The following PPP1R8 variants were observed in gnomAD, a reference collection of about 807,000 sequenced individuals.
The protein encoded by PPP1R8 is protein phosphatase 1 regulatory subunit 8.
In PPP1R8, 4 loss-of-function variants were observed where a neutral mutation model predicts 31.3. That is an observed-to-expected ratio of 0.13 (90% CI 0.06 to 0.29). The LOEUF (loss-of-function observed/expected upper bound fraction) is 0.29, where lower values mean the gene tolerates loss of function less well. PPP1R8 is among the 10% of genes least tolerant of loss of function. The pLI, the probability that PPP1R8 is intolerant of heterozygous loss-of-function variation, is 1.00. For missense variants in PPP1R8, 254 were observed against 440.1 expected (o/e 0.58, Z 3.78); for synonymous variants, 170 against 169.7 (o/e 1.00, Z -0.01).
chr1:27,846,636 CTTCTT>C (rs780960294), intron 5 of PPP1R8, among the ~76,000 whole-genome samples: 16 of 152,316 alleles, frequency 1.1e-4, no homozygotes, highest in Admixed American at 3.9e-4. Flanking sequence ...AATGTCTACT[CTTCTT>C]TTCTTTCCCC....
At chr1:27,837,144 A>C (rs2089174557) in intron 2 of PPP1R8, among the ~76,000 whole-genome samples, 1 of 151,764 alleles carries the variant, frequency 6.6e-6, no homozygotes, top group Admixed American at 6.6e-5. Flanking sequence ...ACAATTGTTG[A>C]TCTCAGGCCA....
Position 27,850,383 on chromosome 1 carries a change from G to C in PPP1R8, c.993G>C (p.Lys331Asn), listed in dbSNP as rs756682209. 1 of 1,515,918 alleles carries C rather than the reference G, an allele frequency of 6.6e-7. No individual in the cohort carries two copies. The highest frequency in any genetic ancestry group is 1.1e-5 in the South Asian group (1 of 89,922). 93.9% of individuals were successfully genotyped at this position (1,515,918 alleles called of 1,614,324 possible). Residue 331 changes from lysine to asparagine, a missense_variant, in exon 7 of 7, where the codon AAG (lysine) becomes AAC (asparagine). Physicochemically the swap from Lys to Asn is moderately conservative, Grantham distance 94. Transcript: ENST00000311772. ...ACCCTGAAGCTGTAAATGAACCCAA[G>C]AAGAAGAAATATGCAAAAGAGGCTT... ...VYNPEAVNEP[K>N]KKKYAKEAWP... is the part of the protein sequence containing the mutation.
intron 1 of PPP1R8, among the ~76,000 whole-genome samples, chr1:27,832,111 G>C (rs1291291863): frequency 6.6e-6 from 1 of 152,168 alleles, no homozygotes; most frequent in East Asian, 1.9e-4. Flanking sequence ...GTAGGTACCA[G>C]GCACCGTTAG....
chr1:27,849,248 G>T (rs571967748), intron 6 of PPP1R8, among the ~76,000 whole-genome samples: 4 of 151,848 alleles, frequency 2.6e-5, no homozygotes, highest in Admixed American at 6.6e-5. Flanking sequence ...GCGCATGCCT[G>T]TAATCCCAGC....
chr1:27,846,953 G>C, intron 5 of PPP1R8, 75 bp from the exon 6 acceptor site: 5 of 1,225,146 alleles, frequency 4.1e-6, no homozygotes, highest in Non-Finnish European at 6.0e-6. Context: ...GTGATGGTTT[G>C]TTTGCAGTGA....
At chr1:27,838,646 G>T (rs1357517130) in intron 2 of PPP1R8, 53 bp from the exon 3 acceptor site, 11 of 1,223,764 alleles carry the variant, frequency 9.0e-6, no homozygotes. Flanking sequence ...AGAGTTTTTG[G>T]TAAATGCTGT....
At chr1:27,848,230 G>A (rs2089304711) in intron 6 of PPP1R8, among the ~76,000 whole-genome samples, 1 of 152,060 alleles carries the variant, frequency 6.6e-6, no homozygotes, top group South Asian at 2.1e-4. Flanking sequence ...GTGAAACCCC[G>A]TCGCTACTGA....
intron 4 of PPP1R8, among the ~76,000 whole-genome samples, chr1:27,842,774 A>G (rs547829327): frequency 1.3e-3 from 200 of 152,266 alleles, no homozygotes; most frequent in African/African-American, 2.0e-3. Context: ...TTTCATCTCA[A>G]TTTTGTTACT....
intron 2 of PPP1R8, chr1:27,834,303 G>A: frequency 2.3e-6 from 1 of 430,394 alleles, no homozygotes; most frequent in African/African-American, 2.0e-5. Context: ...TAAGTGTGCT[G>A]AGTTGCCACA....
At position 27,851,208 on chromosome 1, in the gene PPP1R8, T is replaced by A. The variant is rs1256361983; in HGVS notation, c.*762T>A. The A allele has an allele frequency of 2.8e-5, 7 of 248,794 alleles. No individual in the cohort carries two copies. The highest frequency in any genetic ancestry group is 1.9e-4 in the Admixed American group (4 of 20,680). The allele number at this position is 248,794 out of a possible 1,614,324, so 15.4% of individuals were successfully genotyped here. A position where few individuals can be genotyped will look rare whatever the true frequency, so the allele number is the denominator to read the frequency against. ...TAAGGCATTACTTTTAAGTGTATTATGAAGGCAGTTTTCAAAGGATATGAC... is the reference window on the plus strand; with the variant it reads ...TAAGGCATTACTTTTAAGTGTATTAAGAAGGCAGTTTTCAAAGGATATGAC... On this transcript the variant is annotated 3_prime_UTR_variant, in exon 7 of 7. Transcript: ENST00000311772.
intron 2 of PPP1R8, 44 bp downstream of exon 2, chr1:27,832,860 A>AT (rs1186367536): frequency 6.6e-7 from 1 of 1,518,964 alleles, no homozygotes; most frequent in East Asian, 2.3e-5. Context: ...CACACTAAAG[A>AT]TTTTTGCCAG....
At chr1:27,838,349 C>T (rs1325491734) in intron 2 of PPP1R8, among the ~76,000 whole-genome samples, 1 of 152,122 alleles carries the variant, frequency 6.6e-6, no homozygotes, top group Non-Finnish European at 1.5e-5. Flanking sequence ...AACTGTACTC[C>T]AGCCTGGGCA....
At chr1:27,834,299 T>C in intron 2 of PPP1R8, 1 of 424,734 alleles carries the variant, frequency 2.4e-6, no homozygotes, top group Admixed American at 2.6e-5. Flanking sequence ...TTGTTAAGTG[T>C]GCTGAGTTGC....
chr1:27,850,024 A>G, intron 6 of PPP1R8, 69 bp from the exon 7 acceptor site: 1 of 1,403,382 alleles, frequency 7.1e-7, no homozygotes. Flanking sequence ...AGAAAAAGCT[A>G]ACCACTCTTG....
Position 27,837,892 on chromosome 1 carries a change from T to C in PPP1R8, c.118-807T>C, listed in dbSNP as rs564982591. Reference sequence around the variant, plus strand: ...GAGTTCAAGACCAACCTGGCCAGTATGATGAAACCCTGTCTTTACTAAAAA... The same window carrying C: ...GAGTTCAAGACCAACCTGGCCAGTACGATGAAACCCTGTCTTTACTAAAAA... On this transcript the variant is annotated intron_variant, in intron 2 of 6. Coordinates refer to ENST00000311772, the MANE Select transcript of PPP1R8 (RefSeq NM_014110.5). 4.0e-5 allele frequency among the ~76,000 whole-genome samples: 6 copies of C among 150,730 alleles called. No individual in the cohort carries two copies. The East Asian group carries it at 1.2e-3, about 30-fold the overall frequency.
rs765514573 is a variant in PPP1R8 at position 27,844,884 on chromosome 1, A to ATTTT, written c.637+1581_637+1584dup. Among the ~76,000 whole-genome samples, 470 of 72,372 alleles carry ATTTT rather than the reference A, an allele frequency of 6.5e-3. 87 individuals are homozygous for ATTTT. The highest frequency in any genetic ancestry group is 0.044 in the African/African-American group (439 of 9,868). 47.5% of individuals were successfully genotyped at this position (72,372 alleles called of 152,430 possible). ...AGGCGCCCGCCACCATGCCCGACTA[A>ATTTT]TTTTTTTTTTTTTTTTTTTTTTTTT... On this transcript the variant is annotated intron_variant, in intron 5 of 6. Transcript: ENST00000311772.
intron 6 of PPP1R8, among the ~76,000 whole-genome samples, chr1:27,848,798 C>T (rs2089310722): frequency 1.3e-5 from 2 of 152,150 alleles, no homozygotes; most frequent in South Asian, 4.1e-4. Flanking sequence ...TTTGTTATTC[C>T]TTTGGAATGT....
In PPP1R8 at chr1:27,850,499, G is replaced by A; in HGVS notation, c.*53G>A. On this transcript the variant is annotated 3_prime_UTR_variant, in exon 7 of 7. Transcript: ENST00000311772. ...TTGGGTGGGAATGGGGTGGAAGGGT[G>A]ATGGGGAGCTAATGAACTAGGGAGA... 1 of 1,456,816 alleles carries A rather than the reference G, an allele frequency of 6.9e-7. No homozygotes were observed. The highest frequency in any genetic ancestry group is 9.3e-7 in the Non-Finnish European group (1 of 1,071,730). The allele number at this position is 1,456,816 out of a possible 1,614,324, so 90.2% of individuals were successfully genotyped here.
chr1:27,836,708 G>T (rs1425171502), intron 2 of PPP1R8, among the ~76,000 whole-genome samples: 1 of 151,748 alleles, frequency 6.6e-6, no homozygotes, highest in African/African-American at 2.4e-5. Context: ...TTGAGCCACC[G>T]CACCCGGCCA....
Sources: allele counts gnomAD v4.1 joint callset (sites outside exome capture counted in the v4.1 genomes callset), GRCh38; gene constraint gnomAD v4.1.1; transcripts MANE v1.5; gene names NCBI Gene and HGNC (gene_info 2026-07-23, HGNC 2026-07-21).